The following PDE7A variants were observed in gnomAD, a reference collection of about 807,000 sequenced individuals.
PDE7A encodes the protein phosphodiesterase 7A, also known as high affinity 3',5'-cyclic-AMP phosphodiesterase 7A.
In PDE7A, 39 loss-of-function variants were observed where a neutral mutation model predicts 64.3. That is an observed-to-expected ratio of 0.61 (90% CI 0.47 to 0.79). The LOEUF is 0.79. Ranked by LOEUF, PDE7A falls within the 30% of genes least tolerant of loss-of-function variation. The pLI is 0.00. For synonymous variants in PDE7A, 203 were observed against 206.8 expected (o/e 0.98, Z 0.16); for missense variants, 470 against 582.8 (o/e 0.81, Z 1.99).
intron 1 of PDE7A, among the ~76,000 whole-genome samples, chr8:65,827,012 G>C (rs933823846): frequency 2.6e-5 from 4 of 152,128 alleles, no homozygotes; most frequent in African/African-American, 9.7e-5. Flanking sequence ...ATTGAATCGA[G>C]GGTCTGTCTT....
rs1157178999 is a variant in PDE7A, at chr8:65,718,414, T to C, written c.*876A>G. On this transcript the variant is annotated 3_prime_UTR_variant, in exon 13 of 13. Transcript: ENST00000401827. ...TTTTATTTCAGATTGGCAAATACCC[T>C]GAGCTGATTATGGTGTTTTAAACAT... The C allele has an allele frequency of 6.6e-6, 1 of 152,260 alleles. No homozygotes were observed. The highest frequency in any genetic ancestry group is 2.4e-5 in the African/African-American group (1 of 41,460). The allele number at this position is 152,260 out of a possible 1,614,324, so 9.4% of individuals were successfully genotyped here.
Position 65,817,703 on chromosome 8 carries a change from C to T in PDE7A, c.138+23668G>A, listed in dbSNP as rs550690434. The stretch of plus-strand genomic sequence containing the variant: ...TCAGGTTATAGGTTTTAGGGGAGAA[C>T]ACTACAGAGGTGAAGTCCCTCTCAT... On this transcript the variant is annotated intron_variant, in intron 1 of 12. Coordinates refer to ENST00000401827, the MANE Select transcript of PDE7A (RefSeq NM_001242318.3). Among the ~76,000 whole-genome samples, 4 of 150,556 alleles carry T rather than the reference C, an allele frequency of 2.7e-5. No homozygotes were observed. In the East Asian group the frequency reaches 7.8e-4, roughly 29 times the overall value.
intron 5 of PDE7A, among the ~76,000 whole-genome samples, chr8:65,740,064 A>G (rs941397948): frequency 3.3e-5 from 5 of 149,410 alleles, no homozygotes; most frequent in African/African-American, 1.2e-4. Flanking sequence ...TCATCCATAC[A>G]GGGTTAGGAG....
intron 1 of PDE7A, among the ~76,000 whole-genome samples, chr8:65,815,091 A>T (rs1000832106): frequency 1.1e-4 from 17 of 152,152 alleles, no homozygotes; most frequent in Non-Finnish European, 2.4e-4. Context: ...AAAAAAAAAA[A>T]AAATTAATTT....
intron 1 of PDE7A, among the ~76,000 whole-genome samples, chr8:65,803,346 T>G (rs1291696642): frequency 6.6e-6 from 1 of 152,184 alleles, no homozygotes; most frequent in South Asian, 2.1e-4. Context: ...TAAAAAGAAA[T>G]AAACTGAAGA....
intron 3 of PDE7A, among the ~76,000 whole-genome samples, chr8:65,752,309 T>C (rs1563488208): frequency 6.6e-6 from 1 of 152,226 alleles, no homozygotes; most frequent in Non-Finnish European, 1.5e-5. Context: ...CAGTTATCTA[T>C]TTGCTTGTGT....
In PDE7A at chr8:65,719,462, G is replaced by C. The variant is rs780220336; in HGVS notation, c.1277C>G (p.Thr426Arg). The change falls in exon 13 of 13, where the codon ACA (threonine) becomes AGA (arginine). Residue 426 changes from threonine to arginine, a missense_variant. Coordinates refer to ENST00000401827, the MANE Select transcript of PDE7A (RefSeq NM_001242318.3). ...TGTATTGGAAAACCTGGCCCATTCT[G>C]TAAATAAAGGCTCCACTAGGTAAGT... ...FMTYLVEPLF[T>R]EWARFSNTRL... 1 of 1,613,806 alleles carries C rather than the reference G, an allele frequency of 6.2e-7. No homozygotes were observed. Among genetic ancestry groups the C allele is most frequent in the Non-Finnish European group, 8.5e-7 (1 of 1,179,690 alleles).
chr8:65,825,051 T>C (rs1184248435), intron 1 of PDE7A, among the ~76,000 whole-genome samples: 1 of 152,222 alleles, frequency 6.6e-6, no homozygotes, highest in Non-Finnish European at 1.5e-5. Context: ...TGCTTTGATC[T>C]AGTAATTACA....
chr8:65,777,982 G>A (rs1809307006), intron 3 of PDE7A, among the ~76,000 whole-genome samples: 1 of 152,132 alleles, frequency 6.6e-6, no homozygotes, highest in African/African-American at 2.4e-5. Context: ...CTTCTTTAAA[G>A]ACTGCTCCTG....
chr8:65,807,644 C>T (rs1314771602), intron 1 of PDE7A, among the ~76,000 whole-genome samples: 1 of 152,174 alleles, frequency 6.6e-6, no homozygotes, highest in East Asian at 1.9e-4. Context: ...TACCAGTAAG[C>T]ACAATATTAG....
intron 3 of PDE7A, 82 bp downstream of exon 3, chr8:65,779,638 T>C: frequency 1.4e-6 from 1 of 723,458 alleles, no homozygotes; most frequent in Non-Finnish European, 2.3e-6. Context: ...TTTTCTGGTA[T>C]TCTTTTTCCC....
At chr8:65,757,774 A>G (rs1195714767) in intron 3 of PDE7A, among the ~76,000 whole-genome samples, 1 of 151,956 alleles carries the variant, frequency 6.6e-6, no homozygotes, top group African/African-American at 2.4e-5. Context: ...GTGTGCCACC[A>G]CGCCCGGCTA....
chr8:65,741,169 C>T (rs1039874298), intron 5 of PDE7A, among the ~76,000 whole-genome samples: 31 of 152,114 alleles, frequency 2.0e-4, no homozygotes, highest in Non-Finnish European at 3.2e-4. Flanking sequence ...ATTATTTTAA[C>T]AATTAAATAG....
At chr8:65,810,961 T>C (rs983762199) in intron 1 of PDE7A, among the ~76,000 whole-genome samples, 1 of 151,828 alleles carries the variant, frequency 6.6e-6, no homozygotes, top group Admixed American at 6.6e-5. Context: ...ACCAATTAGG[T>C]AGAAAACATA....
chr8:65,814,910 C>T lies in PDE7A; in HGVS notation c.138+26461G>A, dbSNP rs558373090. The stretch of plus-strand genomic sequence containing the variant: ...CAGCCTGGCCAACATGGTGAAACCC[C>T]GTTTCTACTAAAATACAAAAATTAG... On this transcript the variant is annotated intron_variant, in intron 1 of 12. Coordinates refer to ENST00000401827, the MANE Select transcript of PDE7A (RefSeq NM_001242318.3). Among the ~76,000 whole-genome samples the T allele has an allele frequency of 3.9e-5, 6 of 151,958 alleles. No individual in the cohort carries two copies. The East Asian group carries it at 9.7e-4, about 25-fold the overall frequency.
At chr8:65,841,196 A>AG (rs1344551119) in intron 1 of PDE7A, among the ~76,000 whole-genome samples, 175 bp downstream of exon 1, 3 of 152,104 alleles carry the variant, frequency 2.0e-5, no homozygotes, top group Admixed American at 1.3e-4. Flanking sequence ...TGGAGAACTG[A>AG]GGGGGGACAG....
At chr8:65,764,353 C>G (rs1408824021) in intron 3 of PDE7A, among the ~76,000 whole-genome samples, 1 of 152,164 alleles carries the variant, frequency 6.6e-6, no homozygotes, top group Non-Finnish European at 1.5e-5. Flanking sequence ...AATACCATAA[C>G]TACAAGCACA....
chr8:65,798,206 A>ATATATT, intron 1 of PDE7A, among the ~76,000 whole-genome samples: 20 of 73,810 alleles, frequency 2.7e-4, no homozygotes, highest in South Asian at 9.0e-4. Context: ...ATATATATAT[A>ATATATT]TTTTTTTTTT....
intron 1 of PDE7A, among the ~76,000 whole-genome samples, chr8:65,801,199 T>G (rs1809976940): frequency 6.6e-6 from 1 of 152,182 alleles, no homozygotes; most frequent in Non-Finnish European, 1.5e-5. Context: ...CTATTATTAC[T>G]GTTAACTGGG....
Sources: gnomAD v4.1 joint callset for allele counts (sites outside exome capture counted in the v4.1 genomes callset) on GRCh38, gnomAD v4.1.1 for gene constraint, MANE v1.5 for transcripts, NCBI Gene and HGNC (gene_info 2026-07-23, HGNC 2026-07-21) for gene names.